Variants in RHOU observed in about 807,000 individuals in gnomAD.
The protein encoded by RHOU is ras homolog family member U.
RHOU carries 8 observed loss-of-function variants against 12.6 expected under a neutral mutation model. The observed-to-expected ratio is 0.64, with a 90% CI of 0.37 to 1.15. The LOEUF (loss-of-function observed/expected upper bound fraction) is 1.15, where lower values mean the gene tolerates loss of function less well. Ranked by LOEUF, RHOU falls within the 50% of genes most tolerant of loss-of-function variation. The probability of loss-of-function intolerance (pLI) is 0.01; values close to 1 mark genes in which losing one functional copy is unlikely to be tolerated. For missense variants in RHOU, 258 were observed against 347.0 expected, an observed-to-expected ratio of 0.74 and a Z score of 2.04; for synonymous variants, 161 against 147.4, an observed-to-expected ratio of 1.09 and a Z score of -0.67.
At chr1:228,646,760 T>G in the RHOU span, among the ~76,000 whole-genome samples, 1 of 151,842 alleles carries the variant, frequency 6.6e-6, no homozygotes, top group African/African-American at 2.4e-5. Flanking sequence ...ACCCGTTCGT[T>G]CTCGTTCCGG....
upstream of RHOU, among the ~76,000 whole-genome samples, chr1:228,732,962 CA>C (rs1352019681): frequency 3.9e-5 from 6 of 152,320 alleles, no homozygotes; most frequent in African/African-American, 1.4e-4. Context: ...TAAGACATGA[CA>C]TTTTAATAAA....
the RHOU span, among the ~76,000 whole-genome samples, chr1:228,653,796 G>T: frequency 6.6e-6 from 1 of 152,174 alleles, no homozygotes; most frequent in Non-Finnish European, 1.5e-5. Flanking sequence ...GTAGCCAGTT[G>T]TTATTCTTGA....
At chr1:228,681,416 T>TA in the RHOU span, among the ~76,000 whole-genome samples, 1 of 151,696 alleles carries the variant, frequency 6.6e-6, no homozygotes, top group African/African-American at 2.4e-5. Context: ...AGGGGTCAGA[T>TA]GGGTCAGCAG....
the RHOU span, among the ~76,000 whole-genome samples, chr1:228,724,123 C>T: frequency 6.6e-6 from 1 of 152,164 alleles, no homozygotes; most frequent in Non-Finnish European, 1.5e-5. Flanking sequence ...ACATCAGCTT[C>T]GTGGAGTGTC....
intron 2 of RHOU, among the ~76,000 whole-genome samples, chr1:228,739,938 C>T (rs1209658524): frequency 6.6e-6 from 1 of 152,144 alleles, no homozygotes; most frequent in Admixed American, 6.5e-5. Flanking sequence ...GTGGGCCTGC[C>T]CCTTAATAGA....
chr1:228,652,847 G>T, the RHOU span, among the ~76,000 whole-genome samples: 1 of 151,826 alleles, frequency 6.6e-6, no homozygotes, highest in African/African-American at 2.4e-5. Flanking sequence ...AAATATTTTC[G>T]CTTATGCTAT....
the RHOU span, among the ~76,000 whole-genome samples, chr1:228,723,488 C>A: frequency 6.6e-6 from 1 of 152,196 alleles, no homozygotes; most frequent in African/African-American, 2.4e-5. Flanking sequence ...TGATGTTCTA[C>A]ACACGTGAGG....
upstream of RHOU, among the ~76,000 whole-genome samples, chr1:228,734,039 C>T (rs867804769): frequency 6.6e-6 from 1 of 152,134 alleles, no homozygotes. Context: ...GATTCTGTAT[C>T]CCATTACACC....
intron 2 of RHOU, among the ~76,000 whole-genome samples, chr1:228,740,582 T>C (rs896250487): frequency 6.6e-6 from 1 of 152,232 alleles, no homozygotes; most frequent in Non-Finnish European, 1.5e-5. Flanking sequence ...CTAGTCCTGA[T>C]CTGATAAAAT....
At chr1:228,665,535 A>G in the RHOU span, among the ~76,000 whole-genome samples, 3 of 152,198 alleles carry the variant, frequency 2.0e-5, no homozygotes, top group South Asian at 6.2e-4. Context: ...TATCTTTGGT[A>G]GAGTGGAGTG....
chr1:228,677,616 T>C, the RHOU span, among the ~76,000 whole-genome samples: 1 of 151,918 alleles, frequency 6.6e-6, no homozygotes, highest in Admixed American at 6.6e-5. Flanking sequence ...AGAGAGTGAA[T>C]TTGATAGTGT....
chr1:228,662,198 G>A, the RHOU span, among the ~76,000 whole-genome samples: 2 of 152,218 alleles, frequency 1.3e-5, no homozygotes, highest in African/African-American at 2.4e-5. Flanking sequence ...TGGAGAGGAT[G>A]TGGAGAAATA....
the RHOU span, among the ~76,000 whole-genome samples, chr1:228,703,554 C>A: frequency 6.6e-6 from 1 of 151,722 alleles, no homozygotes; most frequent in Non-Finnish European, 1.5e-5. Context: ...TTAAGATAGC[C>A]AGCTAAATGC....
the RHOU span, among the ~76,000 whole-genome samples, chr1:228,696,025 T>G: frequency 6.6e-6 from 1 of 152,238 alleles, no homozygotes; most frequent in Non-Finnish European, 1.5e-5. Flanking sequence ...TTTTACGAAT[T>G]ATATGCCAAG....
the RHOU span, among the ~76,000 whole-genome samples, chr1:228,700,801 A>G: frequency 2.0e-5 from 3 of 152,180 alleles, no homozygotes; most frequent in African/African-American, 2.4e-5. Flanking sequence ...AATCTAACAT[A>G]TTAGGCTTGG....
chr1:228,739,473 C>T (rs1488251126), intron 2 of RHOU, among the ~76,000 whole-genome samples: 2 of 152,106 alleles, frequency 1.3e-5, no homozygotes, highest in Non-Finnish European at 2.9e-5. Context: ...CTGAGGCAGA[C>T]AGTTGCTTGA....
chr1:228,743,677 G>T lies in RHOU; in HGVS notation c.714G>T (p.Arg238Ser). 6.2e-7 allele frequency: 1 copy of T among 1,614,042 alleles called. No individual in the cohort carries two copies. The highest frequency in any genetic ancestry group is 1.1e-5 in the South Asian group (1 of 91,062). Reference protein sequence around the residue: ...TQQQPKKSKSRTPDKMKNLSK... With the variant: ...TQQQPKKSKSSTPDKMKNLSK... Reference sequence around the variant, plus strand: ...AACAGCCAAAGAAGTCTAAAAGCAGGACTCCAGATAAAATGAAAAACCTCT... The same window carrying T: ...AACAGCCAAAGAAGTCTAAAAGCAGTACTCCAGATAAAATGAAAAACCTCT... Residue 238 changes from arginine (R) to serine (S), a missense_variant, in exon 3 of 3, where the codon AGG (arginine) becomes AGT (serine). Arg to Ser is a moderately radical substitution (Grantham distance 110). Transcript: ENST00000366691. The surrounding 1 kb of genome is among the most constrained non-coding windows in gnomAD (Gnocchi z 5.1).
the RHOU span, among the ~76,000 whole-genome samples, chr1:228,660,076 C>A: frequency 6.6e-6 from 1 of 151,696 alleles, no homozygotes; most frequent in African/African-American, 2.4e-5. Context: ...ATCACTTGAA[C>A]CTGGGAGGTG....
the RHOU span, among the ~76,000 whole-genome samples, chr1:228,700,141 C>T: frequency 2.6e-5 from 4 of 152,112 alleles, no homozygotes; most frequent in Admixed American, 6.6e-5. Context: ...CATGAGTCTA[C>T]GCTTAACATT....
Sources: allele counts gnomAD v4.1 joint callset (sites outside exome capture counted in the v4.1 genomes callset), GRCh38; gene constraint gnomAD v4.1.1; non-coding constraint Gnocchi (gnomAD v3.1); transcripts MANE v1.5; gene names NCBI Gene and HGNC (gene_info 2026-07-23, HGNC 2026-07-21).